Variants in SPMIP11 observed in about 807,000 individuals in gnomAD.
SPMIP11 encodes long intergenic non-protein coding RNA 935.
the SPMIP11 span, among the ~76,000 whole-genome samples, chr12:48,764,143 C>T: frequency 1.3e-5 from 2 of 151,770 alleles, no homozygotes; most frequent in Admixed American, 6.6e-5. Flanking sequence ...CCACCACGCC[C>T]GGCTAATTTT....
chr12:48,743,652 C>CA, the SPMIP11 span, among the ~76,000 whole-genome samples: 1 of 151,668 alleles, frequency 6.6e-6, no homozygotes, highest in East Asian at 1.9e-4. Context: ...ATTAAAAATA[C>CA]AAAAAATAGC....
chr12:48,745,124 A>C, the SPMIP11 span, among the ~76,000 whole-genome samples: 1 of 151,916 alleles, frequency 6.6e-6, no homozygotes, highest in Non-Finnish European at 1.5e-5. Flanking sequence ...CAAAAAAATT[A>C]GCCAGGCTTG....
chr12:48,739,365 C>A, the SPMIP11 span, among the ~76,000 whole-genome samples: 2 of 152,134 alleles, frequency 1.3e-5, no homozygotes, highest in African/African-American at 4.8e-5. Context: ...TATCTACTAG[C>A]ATGCTGCAGC....
At chr12:48,734,211 C>G in the SPMIP11 span, among the ~76,000 whole-genome samples, 1 of 152,120 alleles carries the variant, frequency 6.6e-6, no homozygotes, top group African/African-American at 2.4e-5. Context: ...CTTAAGTGAT[C>G]CTCCCACTTC....
the SPMIP11 span, among the ~76,000 whole-genome samples, chr12:48,741,074 T>G: frequency 2.7e-5 from 4 of 149,816 alleles, no homozygotes; most frequent in African/African-American, 9.8e-5. Context: ...ATTGACTTTT[T>G]TTTTTTTTTT....
At chr12:48,771,089 C>A in the SPMIP11 span, 1 of 967,484 alleles carries the variant, frequency 1.0e-6, no homozygotes, top group Non-Finnish European at 1.5e-6. This position sits in a 1 kb window ranked among gnomAD's most constrained non-coding sequence, Gnocchi z 4.3. Context: ...CAAGAGCCCC[C>A]TTCCAGCTGC....
the SPMIP11 span, among the ~76,000 whole-genome samples, chr12:48,743,694 C>A: frequency 4.6e-5 from 7 of 152,108 alleles, no homozygotes; most frequent in Admixed American, 3.9e-4. Flanking sequence ...GTAATCCCAG[C>A]ACTTTGGGAG....
At chr12:48,759,607 G>T in the SPMIP11 span, among the ~76,000 whole-genome samples, 1 of 151,510 alleles carries the variant, frequency 6.6e-6, no homozygotes, top group Admixed American at 6.6e-5. Flanking sequence ...GGAGTTGGAG[G>T]TTGCGTGAGC....
the SPMIP11 span, among the ~76,000 whole-genome samples, chr12:48,757,908 C>T: frequency 2.0e-5 from 3 of 151,944 alleles, no homozygotes; most frequent in Admixed American, 1.3e-4. Context: ...GCAGGAGAAT[C>T]GCTTGAACCC....
At chr12:48,759,052 T>C in the SPMIP11 span, among the ~76,000 whole-genome samples, 1 of 152,302 alleles carries the variant, frequency 6.6e-6, no homozygotes, top group East Asian at 1.9e-4. Context: ...CTCCCCTCTG[T>C]CACAGCCATG....
At chr12:48,735,192 A>G in the SPMIP11 span, among the ~76,000 whole-genome samples, 3 of 152,144 alleles carry the variant, frequency 2.0e-5, no homozygotes, top group Non-Finnish European at 2.9e-5. Flanking sequence ...ATTCTTCTCT[A>G]CAGTCTCTAG....
chr12:48,770,319 C>A, the SPMIP11 span, among the ~76,000 whole-genome samples: 13 of 152,112 alleles, frequency 8.5e-5, no homozygotes, highest in African/African-American at 3.1e-4. Flanking sequence ...GTAAATGGAG[C>A]AGCCAGAATT....
At chr12:48,732,046 G>A in the SPMIP11 span, among the ~76,000 whole-genome samples, 1 of 151,802 alleles carries the variant, frequency 6.6e-6, no homozygotes, top group South Asian at 2.1e-4. Flanking sequence ...CTACTCTGGA[G>A]GCTGAGGCAC....
the SPMIP11 span, among the ~76,000 whole-genome samples, chr12:48,759,851 G>A: frequency 6.7e-4 from 102 of 152,236 alleles, no homozygotes; most frequent in Non-Finnish European, 1.2e-3. Flanking sequence ...CTGTCACCCA[G>A]CCTGGAGTGC....
At chr12:48,770,003 C>T in the SPMIP11 span, among the ~76,000 whole-genome samples, 3 of 151,682 alleles carry the variant, frequency 2.0e-5, no homozygotes, top group Non-Finnish European at 2.9e-5. Context: ...CCTCGTGATC[C>T]GCCTGCCTCG....
At chr12:48,746,951 T>C in the SPMIP11 span, among the ~76,000 whole-genome samples, 2,313 of 151,674 alleles carry the variant, frequency 0.015, 44 homozygotes, top group African/African-American at 0.044. Flanking sequence ...TTGGCCACAC[T>C]GGCCCTAAAC....
At chr12:48,763,660 T>C in the SPMIP11 span, among the ~76,000 whole-genome samples, 1 of 151,528 alleles carries the variant, frequency 6.6e-6, no homozygotes, top group African/African-American at 2.4e-5. Context: ...ATTAGACTTA[T>C]CCAAATAAAT....
At chr12:48,749,635 CAAAAAAAAAAAAAA>C in the SPMIP11 span, among the ~76,000 whole-genome samples, 9 of 56,530 alleles carry the variant, frequency 1.6e-4, no homozygotes, top group African/African-American at 4.8e-4. Flanking sequence ...AACTCGGTGT[CAAAAAAAAAAAAAA>C]AAAAAAAAAA....
At chr12:48,746,575 C>G in the SPMIP11 span, among the ~76,000 whole-genome samples, 73 of 151,394 alleles carry the variant, frequency 4.8e-4, no homozygotes, top group African/African-American at 1.8e-3. Flanking sequence ...CCATGTTGGT[C>G]AGGCTGATCT....
Sources: allele counts gnomAD v4.1 joint callset (sites outside exome capture counted in the v4.1 genomes callset), GRCh38; gene constraint gnomAD v4.1.1; non-coding constraint Gnocchi (gnomAD v3.1); transcripts MANE v1.5; gene names NCBI Gene and HGNC (gene_info 2026-07-23, HGNC 2026-07-21).